Variants in ROBO1 observed in about 807,000 individuals in gnomAD.
ROBO1 encodes the protein roundabout guidance receptor 1, also known as roundabout homolog 1.
ROBO1 carries 149 observed loss-of-function variants against 195.9 expected under a neutral mutation model. The ratio of observed to expected loss-of-function variants is 0.76; its 90% CI spans 0.67 to 0.87. The LOEUF (loss-of-function observed/expected upper bound fraction) is 0.87, where lower values mean the gene tolerates loss of function less well. Among genes scored for constraint, ROBO1 ranks in the 40% least tolerant of loss-of-function variants. The pLI is 0.00. For missense variants in ROBO1, 1,933 were observed against 2,068.3 expected (o/e 0.93, Z 1.27); for synonymous variants, 816 against 733.2 (o/e 1.11, Z -1.82).
chr3:79,423,695 G>T (rs181699715), intron 2 of ROBO1, among the ~76,000 whole-genome samples: 4 of 152,082 alleles, frequency 2.6e-5, no homozygotes, highest in Admixed American at 2.6e-4. Flanking sequence ...ATTTTTATTA[G>T]TTTTTCTAAC....
intron 3 of ROBO1, among the ~76,000 whole-genome samples, chr3:79,003,968 C>T (rs1277594098): frequency 6.6e-6 from 1 of 152,140 alleles, no homozygotes; most frequent in African/African-American, 2.4e-5. Flanking sequence ...AAGCCAGCAA[C>T]AACCTACTCT....
intron 4 of ROBO1, among the ~76,000 whole-genome samples, chr3:78,859,996 A>G (rs373213884): frequency 2.2e-4 from 33 of 151,800 alleles, no homozygotes; most frequent in East Asian, 7.8e-4. Flanking sequence ...GGAGAATGGC[A>G]TGAACCCAGG....
chr3:78,661,459 A>G (rs916171762), intron 15 of ROBO1, among the ~76,000 whole-genome samples, 198 bp from the exon 16 acceptor site: 1 of 152,194 alleles, frequency 6.6e-6, no homozygotes, highest in Non-Finnish European at 1.5e-5. Context: ...CTCATAGAAA[A>G]TCCAAAAGAA....
At chr3:79,300,768 G>A (rs1342438079) in intron 2 of ROBO1, among the ~76,000 whole-genome samples, 1 of 152,160 alleles carries the variant, frequency 6.6e-6, no homozygotes, top group Non-Finnish European at 1.5e-5. Context: ...CTCAAGGTTT[G>A]TAAACACACC....
At chr3:78,822,714 T>A (rs2031133791) in intron 4 of ROBO1, among the ~76,000 whole-genome samples, 1 of 152,226 alleles carries the variant, frequency 6.6e-6, no homozygotes, top group Non-Finnish European at 1.5e-5. Context: ...TCCAACTTAA[T>A]GTCTAGCCAC....
chr3:78,963,528 T>C (rs2041509272), intron 3 of ROBO1, among the ~76,000 whole-genome samples: 2 of 137,490 alleles, frequency 1.5e-5, no homozygotes, highest in Non-Finnish European at 3.1e-5. Context: ...TTTCTTTTTT[T>C]TTTTTTTTGA....
chr3:79,175,885 A>T (rs1208327300), intron 2 of ROBO1, among the ~76,000 whole-genome samples: 1 of 152,220 alleles, frequency 6.6e-6, no homozygotes, highest in Non-Finnish European at 1.5e-5. Flanking sequence ...ATGTTGTATG[A>T]ATTGTATAAC....
At chr3:79,218,298 T>C (rs1243409105) in intron 2 of ROBO1, among the ~76,000 whole-genome samples, 1 of 151,990 alleles carries the variant, frequency 6.6e-6, no homozygotes, top group Non-Finnish European at 1.5e-5. Flanking sequence ...GGCAGCAATA[T>C]GCTAGGATTC....
intron 2 of ROBO1, among the ~76,000 whole-genome samples, chr3:79,511,283 TC>T (rs1303987659): frequency 6.6e-6 from 1 of 152,154 alleles, no homozygotes; most frequent in African/African-American, 2.4e-5. Flanking sequence ...TTTTTCAACT[TC>T]ATCAGTAAAT....
intron 2 of ROBO1, among the ~76,000 whole-genome samples, chr3:79,545,381 A>G (rs1942226820): frequency 6.6e-6 from 1 of 152,178 alleles, no homozygotes; most frequent in South Asian, 2.1e-4. Flanking sequence ...TTAGAAATGA[A>G]TGGTTTGTAT....
chr3:78,638,495 T>C (rs1705700526), intron 22 of ROBO1, among the ~76,000 whole-genome samples: 2 of 152,206 alleles, frequency 1.3e-5, no homozygotes, highest in Admixed American at 6.5e-5. Context: ...ATTATAACTA[T>C]GAATTTATTT....
chr3:79,431,695 G>A (rs1378542674), intron 2 of ROBO1, among the ~76,000 whole-genome samples: 1 of 152,072 alleles, frequency 6.6e-6, no homozygotes, highest in Non-Finnish European at 1.5e-5. Context: ...TAATTGCAAG[G>A]AAATATAGAA....
In ROBO1 at chr3:78,963,674, C is replaced by T. The variant is rs568307010; in HGVS notation, c.173-24747G>A. On this transcript the variant is annotated intron_variant, in intron 3 of 30. Coordinates refer to ENST00000464233, the MANE Select transcript of ROBO1 (RefSeq NM_002941.4). ...GCTGGGACTTCAGGCGCCGCCACCA[C>T]GCCTGGCTAATTTTTTGTATTTTTA... Among the ~76,000 whole-genome samples the T allele has an allele frequency of 5.9e-5, 9 of 151,704 alleles. No individual in the cohort carries two copies. In the South Asian group the frequency reaches 1.7e-3, roughly 28 times the overall value.
chr3:79,700,701 G>C (rs1283084501), intron 1 of ROBO1, among the ~76,000 whole-genome samples: 1 of 151,622 alleles, frequency 6.6e-6, no homozygotes, highest in Non-Finnish European at 1.5e-5. Context: ...AGTGTCTTTT[G>C]CCTACTTTTT....
At chr3:78,823,572 C>T (rs756511511) in intron 4 of ROBO1, among the ~76,000 whole-genome samples, 1 of 152,206 alleles carries the variant, frequency 6.6e-6, no homozygotes, top group Non-Finnish European at 1.5e-5. Context: ...CAATGCAAAC[C>T]TGCAAGAAGA....
chr3:78,860,118 G>A (rs2106973211), intron 4 of ROBO1, among the ~76,000 whole-genome samples: 1 of 147,434 alleles, frequency 6.8e-6, no homozygotes, highest in Admixed American at 6.7e-5. Context: ...AGGAAAGAAG[G>A]GAACATAGGT....
At chr3:78,788,120 T>G (rs1266209442) in intron 4 of ROBO1, among the ~76,000 whole-genome samples, 1 of 148,488 alleles carries the variant, frequency 6.7e-6, no homozygotes, top group Non-Finnish European at 1.5e-5. Context: ...TGTTTTTGTA[T>G]TTTTTTTTCT....
chr3:79,018,387 G>A, intron 3 of ROBO1: 1 of 1,613,818 alleles, frequency 6.2e-7, no homozygotes. Flanking sequence ...CAAGGGTGAA[G>A]AAAGAAGACG....
chr3:79,212,670 A>T (rs1291931996), intron 2 of ROBO1, among the ~76,000 whole-genome samples: 1 of 151,758 alleles, frequency 6.6e-6, no homozygotes, highest in Non-Finnish European at 1.5e-5. Context: ...AATACAAAAT[A>T]TTAGCCAGGC....
Sources: gnomAD v4.1 joint callset for allele counts (sites outside exome capture counted in the v4.1 genomes callset) on GRCh38, gnomAD v4.1.1 for gene constraint, MANE v1.5 for transcripts, NCBI Gene and HGNC (gene_info 2026-07-23, HGNC 2026-07-21) for gene names.